MITF: variants seen among roughly 807,000 people sequenced by gnomAD.
MITF encodes melanocyte inducing transcription factor, also known as microphthalmia-associated transcription factor.
MITF carries 17 observed loss-of-function variants against 60.5 expected under a neutral mutation model. That is an observed-to-expected ratio of 0.28 (90% CI 0.19 to 0.42). MITF has a LOEUF of 0.42. Among genes scored for constraint, MITF ranks in the 10% least tolerant of loss-of-function variants. The pLI, the probability that MITF is intolerant of heterozygous loss-of-function variation, is 1.00. For missense variants in MITF, 622 were observed against 683.5 expected (o/e 0.91, Z 1.00); for synonymous variants, 260 against 248.5 (o/e 1.05, Z -0.43).
intron 1 of MITF, among the ~76,000 whole-genome samples, chr3:69,781,854 G>T (rs1245993482): frequency 2.0e-5 from 3 of 152,196 alleles, no homozygotes; most frequent in Non-Finnish European, 4.4e-5. Context: ...CATATCTCTT[G>T]TCGAAGGCTT....
At position 69,802,990 on chromosome 3, in the gene MITF, T is replaced by C. The variant is rs149362232; in HGVS notation, c.104+63289T>C. ...CGGGGTTTCTCCATGTTGGTCAGGCTGGTCTCGAACTCCCGACCTCAGGCG... is the reference window on the plus strand; with the variant it reads ...CGGGGTTTCTCCATGTTGGTCAGGCCGGTCTCGAACTCCCGACCTCAGGCG... On this transcript the variant is annotated intron_variant, in intron 1 of 9. Coordinates refer to ENST00000352241, the MANE Select transcript of MITF (RefSeq NM_001354604.2). Among the ~76,000 whole-genome samples, 656 of 152,208 alleles carry C rather than the reference T, an allele frequency of 4.3e-3. 6 individuals are homozygous for C. Among genetic ancestry groups the C allele is most frequent in the African/African-American group, 0.015 (608 of 41,548 alleles).
intron 1 of MITF, among the ~76,000 whole-genome samples, chr3:69,802,370 A>G (rs1444489939): frequency 6.6e-6 from 1 of 152,164 alleles, no homozygotes; most frequent in Non-Finnish European, 1.5e-5. Context: ...CAGAATTCGA[A>G]TTCTTTTCTG....
intron 2 of MITF, among the ~76,000 whole-genome samples, chr3:69,932,688 T>C (rs528515083): frequency 6.6e-6 from 1 of 152,356 alleles, no homozygotes. Context: ...GGATATATGT[T>C]CTGGGCTTTT....
Position 69,828,983 on chromosome 3 carries a change from A to T in MITF, c.105-50151A>T, listed in dbSNP as rs572245534. 2.6e-4 allele frequency among the ~76,000 whole-genome samples: 39 copies of T among 151,962 alleles called. 1 individual carries two copies. The South Asian group carries it at 7.3e-3, about 28-fold the overall frequency. ...GTGTGTGTGTGTTTTACTAAGATTC[A>T]TGCCACTCAAAGTGTGACCCATGGA... On this transcript the variant is annotated intron_variant, in intron 1 of 9. Transcript: ENST00000352241.
chr3:69,767,844 G>A (rs2062324873), intron 1 of MITF, among the ~76,000 whole-genome samples: 1 of 152,178 alleles, frequency 6.6e-6, no homozygotes, highest in Non-Finnish European at 1.5e-5. Flanking sequence ...GATGGTTCCA[G>A]CTGAACTGTC....
chr3:69,964,710 A>C, intron 9 of MITF, 137 bp from the exon 10 acceptor site: 1 of 371,608 alleles, frequency 2.7e-6, no homozygotes, highest in East Asian at 5.3e-5. Context: ...TCCCTCTGGT[A>C]TTGTACATTT....
chr3:69,918,451 G>A (rs1257428426), intron 2 of MITF, among the ~76,000 whole-genome samples: 1 of 152,034 alleles, frequency 6.6e-6, no homozygotes, highest in African/African-American at 2.4e-5. Flanking sequence ...TTTTTCTCTC[G>A]TATGTTCCTT....
At chr3:69,759,924 C>T (rs1174398748) in intron 1 of MITF, among the ~76,000 whole-genome samples, 1 of 152,140 alleles carries the variant, frequency 6.6e-6, no homozygotes, top group Non-Finnish European at 1.5e-5. Context: ...ACTACAGGCA[C>T]CCGCCACCAC....
chr3:69,887,263 T>G (rs960544381), intron 2 of MITF, among the ~76,000 whole-genome samples: 37 of 152,114 alleles, frequency 2.4e-4, no homozygotes, highest in African/African-American at 8.4e-4. Context: ...CCACTTAATT[T>G]GAAAGACTCT....
chr3:69,895,787 TAAGA>T (rs1185318218), intron 2 of MITF, among the ~76,000 whole-genome samples: 1 of 150,354 alleles, frequency 6.7e-6, no homozygotes, highest in Non-Finnish European at 1.5e-5. Flanking sequence ...ATTCATTCCT[TAAGA>T]GAGAATTGTG....
intron 1 of MITF, among the ~76,000 whole-genome samples, chr3:69,767,645 G>A (rs374905369): frequency 2.0e-5 from 3 of 152,212 alleles, no homozygotes. Flanking sequence ...AAACAGATGA[G>A]AGGAAAGCAT....
intron 1 of MITF, chr3:69,778,718 T>TTCTA (rs376041885): frequency 3.3e-5 from 5 of 152,340 alleles, no homozygotes; most frequent in African/African-American, 1.2e-4. Flanking sequence ...CTTAGATACC[T>TTCTA]TCTAACACAT....
chr3:69,931,168 G>A (rs1157842870), intron 2 of MITF, among the ~76,000 whole-genome samples: 1 of 152,156 alleles, frequency 6.6e-6, no homozygotes, highest in African/African-American at 2.4e-5. Flanking sequence ...CTGGTACATG[G>A]TAGACAAGTT....
chr3:69,812,681 G>A (rs1408462090), intron 1 of MITF, among the ~76,000 whole-genome samples: 1 of 152,048 alleles, frequency 6.6e-6, no homozygotes, highest in South Asian at 2.1e-4. Context: ...CTCACAATGC[G>A]GGTGACATAG....
intron 1 of MITF, among the ~76,000 whole-genome samples, chr3:69,828,631 T>G (rs1256607867): frequency 6.6e-6 from 1 of 151,940 alleles, no homozygotes; most frequent in Non-Finnish European, 1.5e-5. Context: ...AAATATAAAA[T>G]CACCATGGTA....
At chr3:69,911,090 G>C (rs12493992) in intron 2 of MITF, among the ~76,000 whole-genome samples, 1 of 152,178 alleles carries the variant, frequency 6.6e-6, no homozygotes, top group East Asian at 1.9e-4. Context: ...AGTCTTTCCC[G>C]TGCTATTCTC....
rs142581011 is a variant in MITF at position 69,887,909 on chromosome 3, C to T, written c.354+8526C>T. On this transcript the variant is annotated intron_variant, in intron 2 of 9. Transcript: ENST00000352241. ...CCACAACTTTTTGAGGAGCACAGTTCTTCTGTCAGGTGTAAACTCACCAGT... is the reference window on the plus strand; with the variant it reads ...CCACAACTTTTTGAGGAGCACAGTTTTTCTGTCAGGTGTAAACTCACCAGT... Among the ~76,000 whole-genome samples, 252 of 152,140 alleles carry T rather than the reference C, an allele frequency of 1.7e-3. 1 individual carries two copies. Among genetic ancestry groups the T allele is most frequent in the African/African-American group, 5.9e-3 (247 of 41,530 alleles).
At chr3:69,849,970 G>A (rs986641835) in intron 1 of MITF, among the ~76,000 whole-genome samples, 2 of 152,080 alleles carry the variant, frequency 1.3e-5, no homozygotes, top group Non-Finnish European at 2.9e-5. Context: ...AGTATTCCAG[G>A]GATTCCTAAC....
At chr3:69,774,149 A>G (rs1205393265) in intron 1 of MITF, among the ~76,000 whole-genome samples, 3 of 152,192 alleles carry the variant, frequency 2.0e-5, no homozygotes, top group East Asian at 1.9e-4. Context: ...AAAATGTTTA[A>G]TATTTTCAAC....
Sources: gnomAD v4.1 joint callset for allele counts (sites outside exome capture counted in the v4.1 genomes callset) on GRCh38, gnomAD v4.1.1 for gene constraint, MANE v1.5 for transcripts, NCBI Gene and HGNC (gene_info 2026-07-23, HGNC 2026-07-21) for gene names.